NCOA2: variants seen among roughly 807,000 people sequenced by gnomAD.
NCOA2 encodes the protein nuclear receptor coactivator 2.
NCOA2 carries 21 observed loss-of-function variants against 145.1 expected under a neutral mutation model. That is an observed-to-expected ratio of 0.14 (90% CI 0.10 to 0.21). The LOEUF (loss-of-function observed/expected upper bound fraction) is 0.21, where lower values mean the gene tolerates loss of function less well. Among genes scored for constraint, NCOA2 ranks in the 10% least tolerant of loss-of-function variants. The pLI is 1.00. For synonymous variants in NCOA2, 619 were observed against 637.5 expected, an observed-to-expected ratio of 0.97 and a Z score of 0.44; for missense variants, 1,472 against 1,837.6, an observed-to-expected ratio of 0.80 and a Z score of 3.64.
At chr8:70,371,964 C>A (rs1310887343) in intron 1 of NCOA2, among the ~76,000 whole-genome samples, 1 of 151,806 alleles carries the variant, frequency 6.6e-6, no homozygotes, top group African/African-American at 2.4e-5. Context: ...AACAAATATT[C>A]ACAAATCTAC....
At chr8:70,128,154 T>C (rs1808654902) in intron 18 of NCOA2, among the ~76,000 whole-genome samples, 2 of 152,222 alleles carry the variant, frequency 1.3e-5, no homozygotes, top group Admixed American at 1.3e-4. Flanking sequence ...CCTGTATTCC[T>C]CCTAGGAACG....
chr8:70,150,260 G>T (rs1468264799), intron 11 of NCOA2, among the ~76,000 whole-genome samples: 1 of 152,178 alleles, frequency 6.6e-6, no homozygotes, highest in African/African-American at 2.4e-5. Flanking sequence ...TAAGAGCTGG[G>T]TTCCAAAGTT....
chr8:70,145,564 G>A (rs1477485556), intron 12 of NCOA2, among the ~76,000 whole-genome samples: 2 of 151,070 alleles, frequency 1.3e-5, no homozygotes, highest in South Asian at 2.1e-4. Context: ...CGTGTGACCC[G>A]CCTGCCTCGG....
At chr8:70,386,195 TACAA>T (rs778649182) in intron 1 of NCOA2, among the ~76,000 whole-genome samples, 2 of 152,222 alleles carry the variant, frequency 1.3e-5, no homozygotes, top group Non-Finnish European at 2.9e-5. Flanking sequence ...TCTTTAAAAT[TACAA>T]ACAGATTTCT....
At chr8:70,416,073 T>C in the NCOA2 span, among the ~76,000 whole-genome samples, 367 of 152,224 alleles carry the variant, frequency 2.4e-3, 2 homozygotes, top group African/African-American at 8.3e-3. Flanking sequence ...GACTTGAAAG[T>C]CCAAACTTTG....
At chr8:70,380,298 A>G (rs1812068529) in intron 1 of NCOA2, among the ~76,000 whole-genome samples, 1 of 152,156 alleles carries the variant, frequency 6.6e-6, no homozygotes, top group Non-Finnish European at 1.5e-5. Context: ...ATGAGATCCT[A>G]CTAGGTTTCA....
At chr8:70,421,646 A>G in the NCOA2 span, among the ~76,000 whole-genome samples, 3 of 150,378 alleles carry the variant, frequency 2.0e-5, no homozygotes, top group South Asian at 6.2e-4. Flanking sequence ...GATGAGGACT[A>G]GAAAAGAGAT....
intron 1 of NCOA2, among the ~76,000 whole-genome samples, chr8:70,395,262 G>A (rs1283196513): frequency 2.0e-5 from 3 of 152,190 alleles, no homozygotes; most frequent in Admixed American, 6.5e-5. Flanking sequence ...ATTCCACCCT[G>A]ATGTCAAAGC....
intron 22 of NCOA2, among the ~76,000 whole-genome samples, chr8:70,116,140 T>C (rs557309206): frequency 7.0e-6 from 1 of 141,950 alleles, no homozygotes; most frequent in Non-Finnish European, 1.5e-5. Context: ...TGAGCCGAGA[T>C]TGCGCCACTG....
intron 16 of NCOA2, among the ~76,000 whole-genome samples, chr8:70,130,390 T>C (rs1328891603): frequency 6.6e-6 from 1 of 152,188 alleles, no homozygotes; most frequent in Non-Finnish European, 1.5e-5. Context: ...CCTGTTTTGA[T>C]AACATTACAA....
chr8:70,253,939 C>T (rs1823413756), intron 2 of NCOA2, among the ~76,000 whole-genome samples: 1 of 152,090 alleles, frequency 6.6e-6, no homozygotes, highest in Non-Finnish European at 1.5e-5. Flanking sequence ...AAGGCACTAT[C>T]AACACAGTGA....
intron 2 of NCOA2, among the ~76,000 whole-genome samples, chr8:70,268,667 G>A (rs943799147): frequency 1.3e-5 from 2 of 151,974 alleles, no homozygotes; most frequent in African/African-American, 4.8e-5. Flanking sequence ...ATATTTTTAG[G>A]CCCCAAGAGC....
chr8:70,392,211 A>G (rs1426739663), intron 1 of NCOA2, among the ~76,000 whole-genome samples: 2 of 152,234 alleles, frequency 1.3e-5, no homozygotes, highest in African/African-American at 4.8e-5. Flanking sequence ...GAACACACTG[A>G]AATAACAGTA....
intron 2 of NCOA2, among the ~76,000 whole-genome samples, chr8:70,261,765 G>A (rs533137701): frequency 6.6e-6 from 1 of 152,090 alleles, no homozygotes; most frequent in African/African-American, 2.4e-5. Context: ...CACACCACCC[G>A]AGCCCCTATT....
At chr8:70,361,540 T>C (rs1266118392) in intron 1 of NCOA2, among the ~76,000 whole-genome samples, 1 of 152,178 alleles carries the variant, frequency 6.6e-6, no homozygotes, top group Admixed American at 6.5e-5. Context: ...GTATGAAATC[T>C]TAATTCATTT....
At chr8:70,309,265 C>A (rs1828122243) in intron 1 of NCOA2, among the ~76,000 whole-genome samples, 1 of 151,768 alleles carries the variant, frequency 6.6e-6, no homozygotes, top group East Asian at 1.9e-4. Flanking sequence ...AAATTCCTAA[C>A]CCACAGAATT....
intron 4 of NCOA2, among the ~76,000 whole-genome samples, chr8:70,211,797 C>A (rs940723362): frequency 1.3e-5 from 2 of 152,070 alleles, no homozygotes; most frequent in Non-Finnish European, 2.9e-5. Context: ...TTATGCTTTT[C>A]GTTTTTTCAT....
At chr8:70,416,709 A>G in the NCOA2 span, among the ~76,000 whole-genome samples, 1 of 152,220 alleles carries the variant, frequency 6.6e-6, no homozygotes, top group Non-Finnish European at 1.5e-5. Flanking sequence ...CAGATCTGGC[A>G]AGGGCTTTCA....
intron 4 of NCOA2, among the ~76,000 whole-genome samples, chr8:70,187,954 T>C (rs181146444): frequency 6.6e-6 from 1 of 152,342 alleles, no homozygotes; most frequent in Admixed American, 6.5e-5. Flanking sequence ...AGTGGCAGTT[T>C]GAAACAATAA....
Sources: allele counts gnomAD v4.1 joint callset (sites outside exome capture counted in the v4.1 genomes callset), GRCh38; gene constraint gnomAD v4.1.1; transcripts MANE v1.5; gene names NCBI Gene and HGNC (gene_info 2026-07-23, HGNC 2026-07-21).